Variants in TIAM1 observed in about 807,000 individuals in gnomAD.
TIAM1 encodes the protein TIAM Rac1 associated GEF 1.
Under a neutral mutation model 163.5 loss-of-function variants are expected in TIAM1, and 65 were observed. The ratio of observed to expected loss-of-function variants is 0.40; its 90% CI spans 0.33 to 0.49. The LOEUF (loss-of-function observed/expected upper bound fraction) is 0.49, where lower values mean the gene tolerates loss of function less well. TIAM1 is among the 20% of genes least tolerant of loss of function. The pLI, the probability that TIAM1 is intolerant of heterozygous loss-of-function variation, is 0.77. For missense variants in TIAM1, 1,789 were observed against 2,044.7 expected (o/e 0.87, Z 2.41); for synonymous variants, 833 against 810.1 (o/e 1.03, Z -0.48).
chr21:31,399,808 A>T lies in TIAM1; in HGVS notation c.-368-60386T>A, dbSNP rs150233346. On this transcript the variant is annotated intron_variant, in intron 2 of 28. Coordinates refer to the TIAM1 transcript ENST00000286827. ...TAGACATGCCTTTCCCTGGATCATC[A>T]AAGCCAATATACCAGCTCATAAATG... Among the ~76,000 whole-genome samples the T allele has an allele frequency of 4.2e-3, 637 of 152,330 alleles. 3 individuals carry two copies. The highest frequency in any genetic ancestry group is 0.015 in the African/African-American group (609 of 41,564).
intron 2 of TIAM1, among the ~76,000 whole-genome samples, chr21:31,402,795 C>A (rs1018355782): frequency 8.6e-5 from 13 of 151,334 alleles, no homozygotes; most frequent in Non-Finnish European, 1.5e-4. Context: ...TAAAAACACA[C>A]AAAAAAATTA....
chr21:31,276,205 G>A (rs528186949), intron 3 of TIAM1, among the ~76,000 whole-genome samples: 12 of 152,202 alleles, frequency 7.9e-5, no homozygotes, highest in African/African-American at 2.9e-4. Context: ...GAAAGTTTTC[G>A]CTAAATCGTT....
At chr21:31,550,186 A>G (rs770897137) in intron 1 of TIAM1, among the ~76,000 whole-genome samples, 1 of 152,202 alleles carries the variant, frequency 6.6e-6, no homozygotes, top group Non-Finnish European at 1.5e-5. Flanking sequence ...TGCCATATTC[A>G]TTCATAACAG....
chr21:31,213,070 A>T (rs952566419), intron 10 of TIAM1: 15 of 252,280 alleles, frequency 5.9e-5, no homozygotes, highest in African/African-American at 2.8e-4. Context: ...TGGGAAGAGA[A>T]GTTGTACATG....
At chr21:31,216,219 A>C (rs2146590016) in intron 9 of TIAM1, among the ~76,000 whole-genome samples, 1 of 152,298 alleles carries the variant, frequency 6.6e-6, no homozygotes, top group East Asian at 1.9e-4. Context: ...CAGTCAGCTA[A>C]GGGACTCAGG....
At position 31,202,893 on chromosome 21, in the gene TIAM1, C is replaced by G; in HGVS notation, c.2493+15G>C. Reference sequence around the variant, plus strand: ...TCTCCCATAAAGTGTGCTTGGACAACAGTCATAACATTACCAGCTCATAGA... The same window carrying G: ...TCTCCCATAAAGTGTGCTTGGACAAGAGTCATAACATTACCAGCTCATAGA... On this transcript the variant is annotated intron_variant, in intron 12 of 27. Coordinates refer to ENST00000541036, the MANE Select transcript of TIAM1 (RefSeq NM_001353694.2). The G allele has an allele frequency of 1.2e-6, 2 of 1,605,214 alleles. No individual in the cohort carries two copies. Among genetic ancestry groups the G allele is most frequent in the Non-Finnish European group, 1.7e-6 (2 of 1,172,466 alleles).
rs2085382347 is a variant in TIAM1 at position 31,188,055 on chromosome 21, C to CA, written c.2576-969dup. On this transcript the variant is annotated intron_variant, in intron 13 of 27. Coordinates refer to ENST00000541036, the MANE Select transcript of TIAM1 (RefSeq NM_001353694.2). ...GGGAGAGCAGTGGTTGAAAAAAAAACAAGCAGGCAAATAGCAAAACAGAAT... is the reference window on the plus strand; with the variant it reads ...GGGAGAGCAGTGGTTGAAAAAAAAACAAAGCAGGCAAATAGCAAAACAGAAT... Among the ~76,000 whole-genome samples, 4 of 151,658 alleles carry CA rather than the reference C, an allele frequency of 2.6e-5. No homozygotes were observed. The South Asian group carries it at 8.4e-4, about 32-fold the overall frequency.
intron 6 of TIAM1, among the ~76,000 whole-genome samples, chr21:31,229,596 G>A (rs1179141810): frequency 6.6e-6 from 1 of 151,908 alleles, no homozygotes. Context: ...CATTTTGTTT[G>A]TATCGCTCAG....
intron 10 of TIAM1, among the ~76,000 whole-genome samples, chr21:31,210,532 G>GGAAAAGAAAGAAA (rs2086669724): frequency 1.9e-5 from 1 of 51,502 alleles, no homozygotes. Flanking sequence ...AGGGAAGGAA[G>GGAAAAGAAAGAAA]GAAAAGAAAG....
intron 2 of TIAM1, among the ~76,000 whole-genome samples, chr21:31,449,405 GTCTTGCTCTGTCTC>G (rs1188168951): frequency 3.3e-5 from 5 of 152,054 alleles, no homozygotes; most frequent in African/African-American, 1.2e-4. Context: ...TTGAGACAGA[GTCTTGCTCTGTCTC>G]CCAGGCTGGA....
intron 8 of TIAM1, among the ~76,000 whole-genome samples, chr21:31,218,649 C>T (rs1235013951): frequency 3.9e-5 from 6 of 152,048 alleles, no homozygotes; most frequent in Non-Finnish European, 5.9e-5. Flanking sequence ...ATTTTCCTTG[C>T]AGTAGGGCAT....
intron 1 of TIAM1, among the ~76,000 whole-genome samples, chr21:31,512,944 A>G (rs1305892521): frequency 6.6e-6 from 1 of 152,094 alleles, no homozygotes; most frequent in Admixed American, 6.6e-5. Context: ...GCACCCAGCC[A>G]AAGACAGTCT....
chr21:31,474,715 T>C (rs1300861044), intron 1 of TIAM1, among the ~76,000 whole-genome samples: 2 of 151,948 alleles, frequency 1.3e-5, no homozygotes, highest in African/African-American at 4.8e-5. Flanking sequence ...CCGGCTAATT[T>C]TGTATTTTTA....
intron 1 of TIAM1, among the ~76,000 whole-genome samples, chr21:31,514,904 G>C (rs2047331541): frequency 6.6e-6 from 1 of 152,242 alleles, no homozygotes; most frequent in Non-Finnish European, 1.5e-5. Flanking sequence ...GAAAGCCGAT[G>C]TTAGGAGTTG....
At chr21:31,487,650 C>T (rs866612598) in intron 1 of TIAM1, among the ~76,000 whole-genome samples, 17 of 149,930 alleles carry the variant, frequency 1.1e-4, no homozygotes, top group East Asian at 2.0e-4. Context: ...CTCCGCTTCC[C>T]GGGTTCACGC....
At chr21:31,557,466 C>T (rs1472822021) in intron 1 of TIAM1, among the ~76,000 whole-genome samples, 3 of 152,202 alleles carry the variant, frequency 2.0e-5, no homozygotes, top group African/African-American at 7.2e-5. Context: ...CTTATCCCCA[C>T]TTTACAGATG....
intron 2 of TIAM1, among the ~76,000 whole-genome samples, chr21:31,397,836 T>C (rs1314607587): frequency 6.6e-6 from 1 of 152,102 alleles, no homozygotes; most frequent in South Asian, 2.1e-4. Context: ...AACAGGGAAA[T>C]GAGAAGGGAC....
chr21:31,226,020 T>C (rs2087948434), intron 6 of TIAM1, 70 bp from the exon 7 acceptor site: 1 of 1,420,672 alleles, frequency 7.0e-7, no homozygotes, highest in Non-Finnish European at 9.7e-7. Flanking sequence ...AACCGGAGCA[T>C]TTCCAGAGAA....
intron 1 of TIAM1, among the ~76,000 whole-genome samples, chr21:31,488,010 A>G (rs1271769497): frequency 6.6e-6 from 1 of 152,178 alleles, no homozygotes; most frequent in African/African-American, 2.4e-5. Context: ...CTTTTAAAAC[A>G]CAAAAATGTA....
Sources: gnomAD v4.1 joint callset for allele counts (sites outside exome capture counted in the v4.1 genomes callset) on GRCh38, gnomAD v4.1.1 for gene constraint, MANE v1.5 for transcripts, NCBI Gene and HGNC (gene_info 2026-07-23, HGNC 2026-07-21) for gene names.